Variants in IQGAP2 observed in about 807,000 individuals in gnomAD.
The protein encoded by IQGAP2 is IQ motif containing GTPase activating protein 2.
Under a neutral mutation model 201.3 loss-of-function variants are expected in IQGAP2, and 173 were observed. The ratio of observed to expected loss-of-function variants is 0.86; its 90% confidence interval spans 0.76 to 0.98. The LOEUF (loss-of-function observed/expected upper bound fraction) is 0.98. IQGAP2 is among the 50% of genes least tolerant of loss of function. The pLI, the probability that IQGAP2 is intolerant of heterozygous loss-of-function variation, is 0.00. For missense variants in IQGAP2, 1,687 were observed against 1,864.8 expected, an observed-to-expected ratio of 0.90 and a Z score of 1.76; for synonymous variants, 675 against 673.9, an observed-to-expected ratio of 1.00 and a Z score of -0.03.
chr5:76,574,219 A>G (rs1461626204), intron 4 of IQGAP2, among the ~76,000 whole-genome samples: 1 of 152,174 alleles, frequency 6.6e-6, no homozygotes, highest in Non-Finnish European at 1.5e-5. Context: ...TAAAAGCCTC[A>G]AGCTTAATTA....
chr5:76,424,965 A>G (rs1225400910), intron 1 of IQGAP2, among the ~76,000 whole-genome samples: 1 of 152,206 alleles, frequency 6.6e-6, no homozygotes, highest in Non-Finnish European at 1.5e-5. Context: ...TAATGCATGC[A>G]TGCACGCAGG....
At chr5:76,487,377 G>A (rs1437713427) in intron 2 of IQGAP2, among the ~76,000 whole-genome samples, 9 of 152,142 alleles carry the variant, frequency 5.9e-5, no homozygotes, top group Non-Finnish European at 1.0e-4. Flanking sequence ...GATTACAGGC[G>A]TGAGCCACCG....
chr5:76,436,875 A>G (rs1752738071), intron 1 of IQGAP2, among the ~76,000 whole-genome samples: 1 of 151,856 alleles, frequency 6.6e-6, no homozygotes, highest in South Asian at 2.1e-4. Context: ...GTATTGACTT[A>G]TGTATGTTAA....
At chr5:76,523,402 TG>T (rs1758802640) in intron 2 of IQGAP2, among the ~76,000 whole-genome samples, 1 of 152,176 alleles carries the variant, frequency 6.6e-6, no homozygotes, top group East Asian at 1.9e-4. Context: ...TAATTTTCAC[TG>T]GGAAAGATTA....
chr5:76,607,881 A>T (rs908291675), intron 12 of IQGAP2: 1 of 152,262 alleles, frequency 6.6e-6, no homozygotes, highest in Admixed American at 6.5e-5. Context: ...CTCACGTCCC[A>T]TCTTTGCTTT....
In IQGAP2 at chr5:76,623,149, C is replaced by G. The variant is rs753113982; in HGVS notation, c.1522-4261C>G. 4.8e-5 allele frequency: 78 copies of G among 1,613,608 alleles called. No homozygotes were observed. The South Asian group carries it at 8.3e-4, about 17-fold the overall frequency. On this transcript the variant is annotated intron_variant, in intron 13 of 35. Transcript: ENST00000274364. ...AGAAACCCACATCCCCATCCTACCC[C>G]CTGAGAAAATTGCTTACCACTCTGA...
chr5:76,600,962 T>C lies in IQGAP2; in HGVS notation c.1222T>C (p.Tyr408His), dbSNP rs1308573531. 3 of 1,613,392 alleles carry C rather than the reference T, an allele frequency of 1.9e-6. No individual in the cohort carries two copies. The highest frequency in any genetic ancestry group is 1.1e-5 in the South Asian group (1 of 91,054). The change falls in exon 11 of 36, where the codon TAT becomes CAT. Residue 408 changes from tyrosine to histidine, a missense_variant. Transcript: ENST00000274364. ...AGGCTTAAACAATCTGGACAAGGCA[T>C]ATGTGGAACGGTAAGGAACATTTTC... ...AIGLNNLDKAYVERYANTLLS... is the reference protein window; with the variant it reads ...AIGLNNLDKAHVERYANTLLS...
chr5:76,593,833 T>G (rs1490748321), intron 9 of IQGAP2, among the ~76,000 whole-genome samples: 1 of 152,226 alleles, frequency 6.6e-6, no homozygotes, highest in Non-Finnish European at 1.5e-5. Flanking sequence ...CGTTGAGTTT[T>G]GAATATTCTT....
At chr5:76,677,373 C>A (rs755109911) in intron 28 of IQGAP2, 23 bp downstream of exon 28, 1 of 1,610,904 alleles carries the variant, frequency 6.2e-7, no homozygotes, top group Non-Finnish European at 8.5e-7. Context: ...GGGGAGCCAT[C>A]TTAGCAATGG....
chr5:76,549,710 T>C (rs1174305611), intron 2 of IQGAP2, among the ~76,000 whole-genome samples: 1 of 152,186 alleles, frequency 6.6e-6, no homozygotes, highest in Non-Finnish European at 1.5e-5. Context: ...CCTTTCACTA[T>C]GTCCTTCTGT....
At chr5:76,499,720 C>A (rs532220558) in intron 2 of IQGAP2, among the ~76,000 whole-genome samples, 1 of 152,256 alleles carries the variant, frequency 6.6e-6, no homozygotes, top group Admixed American at 6.5e-5. Flanking sequence ...CCTTTTTAAG[C>A]TACCTGTAAA....
intron 30 of IQGAP2, among the ~76,000 whole-genome samples, chr5:76,685,664 C>T (rs1011023843): frequency 2.0e-5 from 3 of 151,196 alleles, no homozygotes; most frequent in African/African-American, 4.9e-5. Context: ...TTACCCATTA[C>T]CCAGCCTCTG....
intron 2 of IQGAP2, among the ~76,000 whole-genome samples, chr5:76,556,465 A>G (rs1454167996): frequency 6.6e-6 from 1 of 152,080 alleles, no homozygotes; most frequent in Non-Finnish European, 1.5e-5. Context: ...GCTTTTCATT[A>G]AAAAGAAGAA....
chr5:76,476,804 T>A (rs1755463663), intron 2 of IQGAP2, among the ~76,000 whole-genome samples: 1 of 152,212 alleles, frequency 6.6e-6, no homozygotes, highest in Non-Finnish European at 1.5e-5. Flanking sequence ...TCATTAGCTG[T>A]GACATACACT....
At chr5:76,623,690 A>G (rs1358939383) in intron 13 of IQGAP2, among the ~76,000 whole-genome samples, 1 of 152,244 alleles carries the variant, frequency 6.6e-6, no homozygotes, top group Non-Finnish European at 1.5e-5. Context: ...TGTAATTTCT[A>G]CTTAATAAAT....
chr5:76,531,461 TGCTATGTTGTCCAGGCTA>T (rs1365182018), intron 2 of IQGAP2, among the ~76,000 whole-genome samples: 1 of 152,156 alleles, frequency 6.6e-6, no homozygotes, highest in East Asian at 1.9e-4. Flanking sequence ...GACAGGGTTT[TGCTATGTTGTCCAGGCTA>T]GCTCAAGCTC....
intron 2 of IQGAP2, among the ~76,000 whole-genome samples, chr5:76,493,603 C>A (rs988457639): frequency 1.3e-5 from 2 of 152,180 alleles, no homozygotes; most frequent in African/African-American, 4.8e-5. Context: ...CTGCTCCCCC[C>A]ACCCCATAGG....
At chr5:76,662,315 C>G (rs1442653675) in intron 21 of IQGAP2, among the ~76,000 whole-genome samples, 2 of 152,208 alleles carry the variant, frequency 1.3e-5, no homozygotes, top group Non-Finnish European at 2.9e-5. Context: ...TTCCCTCCCT[C>G]CATTCCTCTC....
intron 1 of IQGAP2, among the ~76,000 whole-genome samples, chr5:76,428,491 G>A (rs952966159): frequency 7.5e-5 from 11 of 147,002 alleles, no homozygotes; most frequent in African/African-American, 2.8e-4. Flanking sequence ...AGGCTGGAGT[G>A]CAATGGCGCA....
Sources: gnomAD v4.1 joint callset for allele counts (sites outside exome capture counted in the v4.1 genomes callset) on GRCh38, gnomAD v4.1.1 for gene constraint, MANE v1.5 for transcripts, NCBI Gene and HGNC (gene_info 2026-07-23, HGNC 2026-07-21) for gene names.